The following ARSB variants were observed in gnomAD, a reference collection of about 807,000 sequenced individuals.
ARSB encodes the protein arylsulfatase B.
In ARSB, 41 loss-of-function variants were observed where a neutral mutation model predicts 50.9. The observed-to-expected ratio is 0.81, with a 90% confidence interval of 0.63 to 1.04. ARSB has a LOEUF of 1.04. Among genes scored for constraint, ARSB ranks in the 50% least tolerant of loss-of-function variants. The pLI is 0.00. For synonymous variants in ARSB, 269 were observed against 284.8 expected, an observed-to-expected ratio of 0.94 and a Z score of 0.56; for missense variants, 672 against 693.3, an observed-to-expected ratio of 0.97 and a Z score of 0.35.
intron 4 of ARSB, among the ~76,000 whole-genome samples, chr5:78,946,418 T>A (rs766150382): frequency 6.6e-6 from 1 of 152,064 alleles, no homozygotes. Flanking sequence ...AAAATCAACA[T>A]ACAAAAATCA....
chr5:78,877,034 AG>A (rs1471040739), intron 5 of ARSB, among the ~76,000 whole-genome samples: 1 of 152,202 alleles, frequency 6.6e-6, no homozygotes, highest in Non-Finnish European at 1.5e-5. Context: ...TCACAAAACC[AG>A]TCCCTGGTGC....
At chr5:78,793,838 G>A (rs1348784897) in intron 6 of ARSB, among the ~76,000 whole-genome samples, 1 of 152,130 alleles carries the variant, frequency 6.6e-6, no homozygotes, top group Non-Finnish European at 1.5e-5. Flanking sequence ...AAGAAGTGAT[G>A]TCTCAGATGA....
chr5:78,900,499 A>T (rs1748753318), intron 4 of ARSB, among the ~76,000 whole-genome samples: 1 of 152,132 alleles, frequency 6.6e-6, no homozygotes. Context: ...TGCTGAAAGA[A>T]TGTAGGGGAG....
intron 4 of ARSB, among the ~76,000 whole-genome samples, chr5:78,894,355 T>C (rs1026646641): frequency 6.6e-5 from 10 of 152,226 alleles, no homozygotes; most frequent in African/African-American, 2.4e-4. Context: ...ATTCCAAGTA[T>C]ATAATACAAG....
At chr5:78,976,959 C>T (rs528677721) in intron 1 of ARSB, among the ~76,000 whole-genome samples, 90 of 152,284 alleles carry the variant, frequency 5.9e-4, no homozygotes, top group Admixed American at 1.5e-3. Flanking sequence ...AAGAGCTTTG[C>T]TTCTGTTGCT....
intron 5 of ARSB, among the ~76,000 whole-genome samples, chr5:78,850,638 C>T (rs1288679203): frequency 6.6e-6 from 1 of 152,122 alleles, no homozygotes; most frequent in African/African-American, 2.4e-5. Context: ...GGAATGGTAC[C>T]AGTTCCTCCT....
chr5:78,881,895 T>C (rs1747763514), intron 5 of ARSB, among the ~76,000 whole-genome samples: 2 of 152,248 alleles, frequency 1.3e-5, no homozygotes, highest in African/African-American at 4.8e-5. Flanking sequence ...CATGGGAGCC[T>C]TTAGAATGAA....
At chr5:78,939,927 A>AGGG (rs1750823942) in intron 4 of ARSB, among the ~76,000 whole-genome samples, 2 of 152,200 alleles carry the variant, frequency 1.3e-5, no homozygotes, top group Non-Finnish European at 1.5e-5. Flanking sequence ...ATTTCTCCAC[A>AGGG]TCCTCTCCAG....
At chr5:78,829,734 C>T (rs1581011657) in intron 6 of ARSB, among the ~76,000 whole-genome samples, 1 of 152,294 alleles carries the variant, frequency 6.6e-6, no homozygotes, top group African/African-American at 2.4e-5. Flanking sequence ...CACCCTAAAA[C>T]CCCTAAAAAT....
chr5:78,874,240 T>C (rs1364493075), intron 5 of ARSB, among the ~76,000 whole-genome samples: 6 of 152,216 alleles, frequency 3.9e-5, no homozygotes, highest in Admixed American at 2.0e-4. Flanking sequence ...TAAGAGATAA[T>C]TGTGAACACT....
intron 6 of ARSB, among the ~76,000 whole-genome samples, chr5:78,836,134 T>A (rs1430303968): frequency 1.3e-5 from 2 of 152,328 alleles, no homozygotes; most frequent in South Asian, 4.1e-4. Context: ...GCTTGTATCA[T>A]CATCCTAAAA....
chr5:78,967,922 T>C (rs1424252854), intron 2 of ARSB, among the ~76,000 whole-genome samples: 1 of 152,172 alleles, frequency 6.6e-6, no homozygotes, highest in Non-Finnish European at 1.5e-5. Flanking sequence ...TAGCTCACTA[T>C]AAAAAGAACT....
chr5:78,854,463 C>T (rs1312440395), intron 5 of ARSB, among the ~76,000 whole-genome samples: 4 of 152,104 alleles, frequency 2.6e-5, no homozygotes, highest in African/African-American at 7.2e-5. Flanking sequence ...TAACATTTTC[C>T]TTCTTAATTT....
chr5:78,945,632 T>G (rs16876110), intron 4 of ARSB, among the ~76,000 whole-genome samples: 2 of 152,238 alleles, frequency 1.3e-5, no homozygotes, highest in East Asian at 3.9e-4. Flanking sequence ...ATGAGACCCT[T>G]CACAATTCCT....
intron 2 of ARSB, among the ~76,000 whole-genome samples, chr5:78,968,434 A>C (rs1752305119): frequency 6.6e-6 from 1 of 151,214 alleles, no homozygotes; most frequent in South Asian, 2.1e-4. Flanking sequence ...TGCAAGCTCC[A>C]CCTCCTGGGT....
chr5:78,820,879 T>TA (rs1429424670), intron 6 of ARSB, among the ~76,000 whole-genome samples: 6 of 151,962 alleles, frequency 3.9e-5, no homozygotes, highest in Non-Finnish European at 7.4e-5. Context: ...ACCACTGATT[T>TA]ATACTTACGG....
chr5:78,851,228 T>C (rs1447112604), intron 5 of ARSB, among the ~76,000 whole-genome samples: 6 of 152,230 alleles, frequency 3.9e-5, no homozygotes, highest in African/African-American at 1.4e-4. Flanking sequence ...CACACTGCTT[T>C]GAATGTGTCC....
chr5:78,966,854 T>C lies in ARSB; in HGVS notation c.499+2152A>G, dbSNP rs77860761. On this transcript the variant is annotated intron_variant, in intron 2 of 7. Coordinates refer to ENST00000264914, the MANE Select transcript of ARSB (RefSeq NM_000046.5). Reference sequence around the variant, plus strand: ...GTTTGCTCCTCTAGAATTTCCAAGATGACAAAGTGATCTTACATCAAGTCT... The same window carrying C: ...GTTTGCTCCTCTAGAATTTCCAAGACGACAAAGTGATCTTACATCAAGTCT... 4.0e-3 allele frequency among the ~76,000 whole-genome samples: 609 copies of C among 150,948 alleles called. 1 individual carries two copies. The highest frequency in any genetic ancestry group is 0.014 in the African/African-American group (572 of 41,080).
At chr5:78,948,450 A>T (rs1751350023) in intron 4 of ARSB, among the ~76,000 whole-genome samples, 1 of 152,170 alleles carries the variant, frequency 6.6e-6, no homozygotes, top group Non-Finnish European at 1.5e-5. Flanking sequence ...TAAAAATAAA[A>T]AATAGAAATA....
Sources: gnomAD v4.1 joint callset for allele counts (sites outside exome capture counted in the v4.1 genomes callset) on GRCh38, gnomAD v4.1.1 for gene constraint, MANE v1.5 for transcripts, NCBI Gene and HGNC (gene_info 2026-07-23, HGNC 2026-07-21) for gene names.